Variants in CPQ observed in about 807,000 individuals in gnomAD.
CPQ encodes carboxypeptidase Q, also known as Ser-Met dipeptidase.
CPQ carries 37 observed loss-of-function variants against 45.7 expected under a neutral mutation model. The ratio of observed to expected loss-of-function variants is 0.81; its 90% CI spans 0.62 to 1.07. The LOEUF is 1.07. Ranked by LOEUF, CPQ falls within the 50% of genes least tolerant of loss-of-function variation. The probability of loss-of-function intolerance (pLI) is 0.00; values close to 1 mark genes in which losing one functional copy is unlikely to be tolerated. For missense variants in CPQ, 537 were observed against 572.9 expected (o/e 0.94, Z 0.64); for synonymous variants, 186 against 205.8 (o/e 0.90, Z 0.82).
At chr8:96,851,430 G>A (rs1811769744) in intron 3 of CPQ, among the ~76,000 whole-genome samples, 1 of 152,106 alleles carries the variant, frequency 6.6e-6, no homozygotes, top group African/African-American at 2.4e-5. Flanking sequence ...TCTGGATCCT[G>A]GGAGGTCAAA....
rs188170374 is a variant in CPQ at position 96,732,041 on chromosome 8, A to T, written c.-34-52823A>T. Among the ~76,000 whole-genome samples the T allele has an allele frequency of 2.6e-5, 4 of 152,322 alleles. No homozygotes were observed. The East Asian group carries it at 7.7e-4, about 29-fold the overall frequency. On this transcript the variant is annotated intron_variant, in intron 1 of 7. Transcript: ENST00000220763. ...TAAGTGTTCAGGGAGATGACAAAAG[A>T]GAAGTCTGAGGCTTGAGGAATTACG...
At chr8:97,122,977 A>AAAATTAAATT (rs1563586920) in intron 7 of CPQ, among the ~76,000 whole-genome samples, 3 of 52,342 alleles carry the variant, frequency 5.7e-5, no homozygotes, top group South Asian at 5.4e-4. Flanking sequence ...AAAATAAAAT[A>AAAATTAAATT]AAATTAAAAT....
intron 2 of CPQ, among the ~76,000 whole-genome samples, chr8:96,794,914 C>T (rs1810908191): frequency 6.6e-6 from 1 of 152,146 alleles, no homozygotes; most frequent in Non-Finnish European, 1.5e-5. Flanking sequence ...CCTCAGCCTG[C>T]ACTTCATTGT....
intron 5 of CPQ, among the ~76,000 whole-genome samples, chr8:96,969,586 G>C (rs974891157): frequency 6.6e-6 from 1 of 151,550 alleles, no homozygotes; most frequent in Non-Finnish European, 1.5e-5. Context: ...TTCCTGAGAT[G>C]AACAGTGCAG....
chr8:96,952,958 A>G (rs1201131975), intron 4 of CPQ, among the ~76,000 whole-genome samples: 1 of 152,090 alleles, frequency 6.6e-6, no homozygotes, highest in African/African-American at 2.4e-5. Context: ...GTTCCAATGG[A>G]AGTTGTCAAT....
Position 96,645,268 on chromosome 8 carries a change from A to T in CPQ, c.-169A>T, listed in dbSNP as rs1303591332. ...TCTCGGCCCCGCGGCCTGGCCGGCA[A>T]GCAGGGCTGCAGTCACGGGGCGGCG... On this transcript the variant is annotated 5_prime_UTR_variant, in exon 1 of 8. In the 5' UTR this introduces an upstream ATG that the reference lacks. Coordinates refer to ENST00000220763, the MANE Select transcript of CPQ (RefSeq NM_016134.4). 6.6e-6 allele frequency: 1 copy of T among 152,322 alleles called. No individual in the cohort carries two copies. Among genetic ancestry groups the T allele is most frequent in the Non-Finnish European group, 1.5e-5 (1 of 68,152 alleles). 9.4% of individuals were successfully genotyped at this position (152,322 alleles called of 1,614,324 possible).
intron 7 of CPQ, among the ~76,000 whole-genome samples, chr8:97,086,794 TTAAG>T (rs1811048028): frequency 6.6e-6 from 1 of 152,198 alleles, no homozygotes; most frequent in African/African-American, 2.4e-5. Flanking sequence ...TCATCTTACG[TTAAG>T]TAAGTATGTA....
rs144337566 is a variant in CPQ, at chr8:96,735,481, A to G, written c.-34-49383A>G. On this transcript the variant is annotated intron_variant, in intron 1 of 7. Transcript: ENST00000220763. ...TACTACAATCCTTCCAAAAACAAAG[A>G]AAGTCTGAAAATAAATTTGGGAGAG... Among the ~76,000 whole-genome samples the G allele has an allele frequency of 3.3e-3, 504 of 152,370 alleles. 7 individuals are homozygous for G. Among genetic ancestry groups the G allele is most frequent in the African/African-American group, 0.012 (479 of 41,590 alleles).
chr8:97,057,720 G>T (rs915408500), intron 6 of CPQ, among the ~76,000 whole-genome samples: 3 of 152,112 alleles, frequency 2.0e-5, no homozygotes, highest in Non-Finnish European at 4.4e-5. Context: ...CATTTTCTTG[G>T]TTCTAGCACA....
intron 7 of CPQ, among the ~76,000 whole-genome samples, chr8:97,085,978 C>T (rs762261545): frequency 1.2e-4 from 18 of 152,134 alleles, no homozygotes; most frequent in Non-Finnish European, 2.2e-4. Context: ...GACAATTCTA[C>T]AGAAGAGAGG....
chr8:96,713,416 T>C (rs1427314082), intron 1 of CPQ, among the ~76,000 whole-genome samples: 1 of 152,160 alleles, frequency 6.6e-6, no homozygotes, highest in Non-Finnish European at 1.5e-5. Flanking sequence ...TACCCAAGAC[T>C]GGGTAATTTA....
At chr8:96,947,275 A>G (rs147279997) in intron 4 of CPQ, among the ~76,000 whole-genome samples, 2 of 152,324 alleles carry the variant, frequency 1.3e-5, no homozygotes, top group African/African-American at 4.8e-5. Flanking sequence ...GGCCACATGT[A>G]TGAAAGTGGT....
At chr8:96,722,543 G>A (rs1476752028) in intron 1 of CPQ, among the ~76,000 whole-genome samples, 1 of 152,010 alleles carries the variant, frequency 6.6e-6, no homozygotes, top group African/African-American at 2.4e-5. Flanking sequence ...GAGAAAGTTT[G>A]CTGACCACTG....
intron 6 of CPQ, among the ~76,000 whole-genome samples, chr8:97,057,315 G>A (rs1810471071): frequency 6.6e-6 from 1 of 152,154 alleles, no homozygotes; most frequent in African/African-American, 2.4e-5. Flanking sequence ...GTAAGAAATA[G>A]TGTTAGGAAA....
intron 1 of CPQ, among the ~76,000 whole-genome samples, chr8:96,695,260 C>T (rs372383223): frequency 1.2e-4 from 17 of 147,698 alleles, no homozygotes; most frequent in Non-Finnish European, 2.2e-4. Flanking sequence ...AAACTGGATC[C>T]CTTCCTTACA....
intron 4 of CPQ, among the ~76,000 whole-genome samples, chr8:96,933,116 GCCCTCA>G (rs935395311): frequency 6.6e-6 from 1 of 152,108 alleles, no homozygotes; most frequent in African/African-American, 2.4e-5. Flanking sequence ...ACTACCACAA[GCCCTCA>G]CCATGGGGAA....
intron 7 of CPQ, among the ~76,000 whole-genome samples, chr8:97,085,645 T>C (rs1447105266): frequency 2.0e-5 from 3 of 152,170 alleles, no homozygotes; most frequent in African/African-American, 7.2e-5. Flanking sequence ...TGCATGACCA[T>C]AGTAACATTA....
In CPQ at chr8:96,888,173, G is replaced by A. The variant is rs146754314; in HGVS notation, c.849+8168G>A. On this transcript the variant is annotated intron_variant, in intron 4 of 7. Coordinates refer to ENST00000220763, the MANE Select transcript of CPQ (RefSeq NM_016134.4). ...CCCACACCACACCTCCTGCAGTCTC[G>A]AGCATCAGAAATGTCTCCAGACATT... 2.3e-3 allele frequency among the ~76,000 whole-genome samples: 352 copies of A among 152,230 alleles called. 3 individuals are homozygous for A. The highest frequency in any genetic ancestry group is 4.8e-3 in the Admixed American group (74 of 15,286).
intron 4 of CPQ, among the ~76,000 whole-genome samples, chr8:96,910,747 G>A (rs1313303107): frequency 2.6e-5 from 4 of 152,104 alleles, no homozygotes; most frequent in Non-Finnish European, 5.9e-5. Flanking sequence ...CTCATGATCT[G>A]CCTGCCTTGG....
Sources: allele counts gnomAD v4.1 joint callset (sites outside exome capture counted in the v4.1 genomes callset), GRCh38; gene constraint gnomAD v4.1.1; transcripts MANE v1.5; gene names NCBI Gene and HGNC (gene_info 2026-07-23, HGNC 2026-07-21).